The following ENPP6 variants were observed in gnomAD, a reference collection of about 807,000 sequenced individuals.
ENPP6 encodes the protein glycerophosphocholine cholinephosphodiesterase ENPP6.
In ENPP6, 32 loss-of-function variants were observed where a neutral mutation model predicts 42.0. The observed-to-expected ratio is 0.76, with a 90% confidence interval of 0.58 to 1.02. ENPP6 has a LOEUF of 1.02. ENPP6 is among the 50% of genes least tolerant of loss of function. ENPP6 has a pLI of 0.00. For synonymous variants in ENPP6, 213 were observed against 216.0 expected (o/e 0.99, Z 0.12); for missense variants, 552 against 566.8 (o/e 0.97, Z 0.27).
intron 1 of ENPP6, among the ~76,000 whole-genome samples, chr4:184,210,109 C>T (rs1453259732): frequency 1.3e-5 from 2 of 151,380 alleles, no homozygotes; most frequent in African/African-American, 4.9e-5. Context: ...AAAGGAACAA[C>T]CGGTACCACC....
In ENPP6 at chr4:184,153,535, TG is replaced by T; in HGVS notation, c.421+18del. 6.3e-7 allele frequency: 1 copy of T among 1,597,114 alleles called. No individual in the cohort carries two copies. The highest frequency in any genetic ancestry group is 1.1e-5 in the South Asian group (1 of 88,686). Reference sequence around the variant, plus strand: ...CTCTATGATGATTTGAGATTTGGAATGGATGTTCACACACTCACCTGGCCAG... The same window carrying T: ...CTCTATGATGATTTGAGATTTGGAATGATGTTCACACACTCACCTGGCCAG... On this transcript the variant is annotated intron_variant, in intron 2 of 7. Transcript: ENST00000296741.
At chr4:184,199,718 T>C (rs1479573615) in intron 1 of ENPP6, among the ~76,000 whole-genome samples, 1 of 152,192 alleles carries the variant, frequency 6.6e-6, no homozygotes, top group Non-Finnish European at 1.5e-5. Flanking sequence ...GCCATCAGTG[T>C]CCAGTGGGAT....
intron 1 of ENPP6, among the ~76,000 whole-genome samples, chr4:184,194,944 A>T (rs112407056): frequency 7.9e-5 from 12 of 152,294 alleles, no homozygotes; most frequent in African/African-American, 2.9e-4. Context: ...CTCAGCAGGA[A>T]AAAGACGCCC....
intron 1 of ENPP6, among the ~76,000 whole-genome samples, chr4:184,209,841 G>A (rs897754603): frequency 7.0e-6 from 1 of 143,136 alleles, no homozygotes; most frequent in African/African-American, 2.8e-5. Context: ...AGAGAGAAAG[G>A]TCGGGTTACC....
At chr4:184,179,609 A>C (rs1360928032) in intron 1 of ENPP6, among the ~76,000 whole-genome samples, 1 of 152,174 alleles carries the variant, frequency 6.6e-6, no homozygotes, top group African/African-American at 2.4e-5. Flanking sequence ...CAATCACATA[A>C]TTGGAAGTAA....
chr4:184,117,423 T>C (rs1339924973), intron 4 of ENPP6, among the ~76,000 whole-genome samples: 1 of 152,246 alleles, frequency 6.6e-6, no homozygotes, highest in Admixed American at 6.5e-5. Flanking sequence ...CTTGTAGTCA[T>C]TCAGCAAAAG....
At chr4:184,091,960 A>G (rs1195675334) in intron 7 of ENPP6, among the ~76,000 whole-genome samples, 1 of 152,152 alleles carries the variant, frequency 6.6e-6, no homozygotes, top group African/African-American at 2.4e-5. Context: ...TGACAACAGC[A>G]CTTTCTTTGG....
At chr4:184,160,033 T>C (rs140765849) in intron 1 of ENPP6, among the ~76,000 whole-genome samples, 1,543 of 152,384 alleles carry the variant, frequency 0.01, 22 homozygotes, top group South Asian at 0.085. Flanking sequence ...ATACCACATT[T>C]TCTTTATCCA....
Position 184,112,657 on chromosome 4 carries a change from A to T in ENPP6, c.993+15T>A. 1 of 1,609,918 alleles carries T rather than the reference A, an allele frequency of 6.2e-7. No individual in the cohort carries two copies. The highest frequency in any genetic ancestry group is 8.5e-7 in the Non-Finnish European group (1 of 1,178,580). On this transcript the variant is annotated intron_variant, in intron 6 of 7. Coordinates refer to ENST00000296741, the MANE Select transcript of ENPP6 (RefSeq NM_153343.4). ...ATTTGCATAGAGAATAAATTGGCACATATTTCATAATTACCTCAGTTATGA... is the reference window on the plus strand; with the variant it reads ...ATTTGCATAGAGAATAAATTGGCACTTATTTCATAATTACCTCAGTTATGA...
At chr4:184,136,226 A>AT (rs1736728530) in intron 2 of ENPP6, among the ~76,000 whole-genome samples, 3 of 151,416 alleles carry the variant, frequency 2.0e-5, no homozygotes, top group Non-Finnish European at 4.4e-5. Context: ...TAAATATAAA[A>AT]TTTATATTAA....
intron 1 of ENPP6, among the ~76,000 whole-genome samples, chr4:184,200,276 C>T (rs573918464): frequency 2.0e-5 from 3 of 152,286 alleles, no homozygotes; most frequent in South Asian, 4.1e-4. Context: ...ACCAGCGTCC[C>T]AAGGACGTCC....
intron 5 of ENPP6, among the ~76,000 whole-genome samples, chr4:184,114,714 T>C (rs912566701): frequency 1.3e-5 from 2 of 150,368 alleles, no homozygotes; most frequent in Non-Finnish European, 2.9e-5. Flanking sequence ...GCCCAAGTTC[T>C]GGAGACAGCA....
intron 1 of ENPP6, among the ~76,000 whole-genome samples, chr4:184,182,848 G>A (rs1337695037): frequency 6.6e-6 from 1 of 152,088 alleles, no homozygotes; most frequent in East Asian, 1.9e-4. Flanking sequence ...CACACACTGG[G>A]GCCTGTTGGG....
At chr4:184,189,237 G>A (rs1211228070) in intron 1 of ENPP6, among the ~76,000 whole-genome samples, 1 of 152,190 alleles carries the variant, frequency 6.6e-6, no homozygotes, top group Non-Finnish European at 1.5e-5. Flanking sequence ...TGAGTCAGGG[G>A]TGCTGTGTTG....
intron 2 of ENPP6, among the ~76,000 whole-genome samples, chr4:184,125,631 A>C (rs934515117): frequency 3.3e-5 from 5 of 152,114 alleles, no homozygotes; most frequent in Admixed American, 3.3e-4. Flanking sequence ...CTGGCATACT[A>C]TAGCAAGACC....
Position 184,202,564 on chromosome 4 carries a change from CCTTCTGACCTGACCACGCTCA to C in ENPP6, c.241+14994_241+15014del, listed in dbSNP as rs1234811342. Among the ~76,000 whole-genome samples the C allele has an allele frequency of 7.9e-5, 12 of 152,344 alleles. No individual in the cohort carries two copies. The East Asian group carries it at 2.1e-3, about 27-fold the overall frequency. On this transcript the variant is annotated intron_variant, in intron 1 of 7. Coordinates refer to ENST00000296741, the MANE Select transcript of ENPP6 (RefSeq NM_153343.4). ...GATGGCAAATGGGCTCAGCACCCCT[CCTTCTGACCTGACCACGCTCA>C]CTTCTCCTCCTTTGCCCAAACTATC... is the stretch of plus-strand genomic sequence containing the variant.
intron 1 of ENPP6, among the ~76,000 whole-genome samples, chr4:184,186,571 G>C (rs1197012011): frequency 6.6e-6 from 1 of 152,200 alleles, no homozygotes; most frequent in Non-Finnish European, 1.5e-5. Flanking sequence ...GTGAGGTTGA[G>C]AGGAAGGAGA....
chr4:184,214,863 G>A (rs1460055757), intron 1 of ENPP6, among the ~76,000 whole-genome samples: 2 of 152,162 alleles, frequency 1.3e-5, no homozygotes, highest in Non-Finnish European at 1.5e-5. Flanking sequence ...GAGAGCATTA[G>A]GACAAATACC....
chr4:184,169,997 T>G (rs1477950920), intron 1 of ENPP6, among the ~76,000 whole-genome samples: 1 of 152,206 alleles, frequency 6.6e-6, no homozygotes, highest in African/African-American at 2.4e-5. Context: ...TCTCTAGTAC[T>G]GAGGTACTTT....
Sources: allele counts gnomAD v4.1 joint callset (sites outside exome capture counted in the v4.1 genomes callset), GRCh38; gene constraint gnomAD v4.1.1; transcripts MANE v1.5; gene names NCBI Gene and HGNC (gene_info 2026-07-23, HGNC 2026-07-21).